Variants in HIPK2 observed in about 807,000 individuals in gnomAD.
HIPK2 encodes homeodomain interacting protein kinase 2, also known as homeodomain-interacting protein kinase 2.
HIPK2 carries 27 observed loss-of-function variants against 113.7 expected under a neutral mutation model. That is an observed-to-expected ratio of 0.24 (90% CI 0.17 to 0.33). The LOEUF is 0.33. Among genes scored for constraint, HIPK2 ranks in the 10% least tolerant of loss-of-function variants. HIPK2 has a pLI of 1.00. For missense variants in HIPK2, 1,257 were observed against 1,588.0 expected (o/e 0.79, Z 3.54); for synonymous variants, 631 against 642.2 (o/e 0.98, Z 0.26).
In HIPK2 at chr7:139,585,307, G is replaced by C. The variant is rs530894230; in HGVS notation, c.2718-1243C>G. Among the ~76,000 whole-genome samples, 73 of 152,304 alleles carry C rather than the reference G, an allele frequency of 4.8e-4. 1 individual carries two copies. The highest frequency in any genetic ancestry group is 3.1e-3 in the South Asian group (15 of 4,824). ...GCAGCAGGGAAGTGGGCAAATTCCAGAGCCCACAGCAGCCAGGCAGGAGGG... is the reference window on the plus strand; with the variant it reads ...GCAGCAGGGAAGTGGGCAAATTCCACAGCCCACAGCAGCCAGGCAGGAGGG... On this transcript the variant is annotated intron_variant, in intron 12 of 14. Coordinates refer to ENST00000406875, the MANE Select transcript of HIPK2 (RefSeq NM_022740.5).
rs2116374051 is a variant in HIPK2, at chr7:139,563,594, CAAT to C, written c.*9330_*9332del. 1 of 382,132 alleles carries C rather than the reference CAAT, an allele frequency of 2.6e-6. No individual in the cohort carries two copies. The highest frequency in any genetic ancestry group is 4.6e-6 in the Non-Finnish European group (1 of 216,722). 23.7% of individuals were successfully genotyped at this position (382,132 alleles called of 1,614,324 possible). A position where few individuals can be genotyped will look rare whatever the true frequency, so the allele number is the denominator to read the frequency against. ...GTTTTAAAAATATAAGCCCCAAAAA[CAAT>C]GACACAAAATTCATTTGGTTAATTC... On this transcript the variant is annotated 3_prime_UTR_variant, in exon 15 of 15. Coordinates refer to ENST00000406875, the MANE Select transcript of HIPK2 (RefSeq NM_022740.5).
chr7:139,613,100 A>C lies in HIPK2; in HGVS notation c.2112+102T>G. 7.3e-7 allele frequency: 1 copy of C among 1,378,650 alleles called. No homozygotes were observed. The highest frequency in any genetic ancestry group is 1.0e-6 in the Non-Finnish European group (1 of 1,004,988). The allele number at this position is 1,378,650 out of a possible 1,614,324, so 85.4% of individuals were successfully genotyped here. On this transcript the variant is annotated intron_variant, in intron 9 of 14. Transcript: ENST00000406875. This position sits in a 1 kb window ranked among gnomAD's most constrained non-coding sequence, Gnocchi z 4.2. ...TACATTCCAATGACTAGAAGCACCT[A>C]ACTCATTACTAGGGAGAGAGGGAGT...
At chr7:139,689,114 C>T (rs1019053190) in intron 2 of HIPK2, among the ~76,000 whole-genome samples, 13 of 152,278 alleles carry the variant, frequency 8.5e-5, no homozygotes, top group South Asian at 8.3e-4. Flanking sequence ...AGCCTGGAGA[C>T]GCCCGATGAG....
rs537649531 is a variant in HIPK2 at position 139,582,443 on chromosome 7, C to T, written c.2965+1374G>A. 1.9e-4 allele frequency among the ~76,000 whole-genome samples: 29 copies of T among 152,346 alleles called. No homozygotes were observed. The South Asian group carries it at 5.8e-3, about 30-fold the overall frequency. On this transcript the variant is annotated intron_variant, in intron 13 of 14. Transcript: ENST00000406875. Reference sequence around the variant, plus strand: ...GCACCACGACCCCCTGCCCCCAGGCCCACAGGAGCGCTGGCTCTGATGTCA... The same window carrying T: ...GCACCACGACCCCCTGCCCCCAGGCTCACAGGAGCGCTGGCTCTGATGTCA...
In HIPK2 at chr7:139,631,053, C is replaced by T. The variant is rs1800595692; in HGVS notation, c.1347+112G>A. On this transcript the variant is annotated intron_variant, in intron 4 of 14. Transcript: ENST00000406875. The surrounding 1 kb of genome is among the most constrained non-coding windows in gnomAD (Gnocchi z 4.9). ...CCATACCATGTATTAACAACAGCAC[C>T]CCCAGTGCCCTCATTTTGCTGACTG... 3 of 1,380,882 alleles carry T rather than the reference C, an allele frequency of 2.2e-6. No individual in the cohort carries two copies. The highest frequency in any genetic ancestry group is 5.0e-5 in the Admixed American group (2 of 40,088). The allele number at this position is 1,380,882 out of a possible 1,614,324, so 85.5% of individuals were successfully genotyped here. A position where few individuals can be genotyped will look rare whatever the true frequency, so the allele number is the denominator to read the frequency against.
intron 1 of HIPK2, among the ~76,000 whole-genome samples, chr7:139,726,983 C>T (rs950915268): frequency 6.6e-6 from 1 of 152,076 alleles, no homozygotes; most frequent in African/African-American, 2.4e-5. Context: ...GCATTAGTAA[C>T]AACAAAGAGG....
Position 139,631,475 on chromosome 7 carries a change from A to C in HIPK2, c.1227+127T>G. 2 of 1,456,958 alleles carry C rather than the reference A, an allele frequency of 1.4e-6. No homozygotes were observed. Among genetic ancestry groups the C allele is most frequent in the Non-Finnish European group, 1.8e-6 (2 of 1,095,152 alleles). 90.3% of individuals were successfully genotyped at this position (1,456,958 alleles called of 1,614,324 possible). ...AAAAATAGCAAGGTTAAGGGAAGCA[A>C]GGTTTGGGAGACAACGTGACATTCC... is the stretch of plus-strand genomic sequence containing the variant. On this transcript the variant is annotated intron_variant, in intron 3 of 14. Transcript: ENST00000406875. This position sits in a 1 kb window ranked among gnomAD's most constrained non-coding sequence, Gnocchi z 4.9.
chr7:139,756,299 TTTC>T (rs1224333743), intron 1 of HIPK2, among the ~76,000 whole-genome samples: 1 of 152,204 alleles, frequency 6.6e-6, no homozygotes, highest in Non-Finnish European at 1.5e-5. Flanking sequence ...AAGAGAAATA[TTTC>T]TTCTTCAATA....
intron 2 of HIPK2, among the ~76,000 whole-genome samples, chr7:139,646,927 G>C (rs1240468939): frequency 6.6e-6 from 1 of 152,004 alleles, no homozygotes; most frequent in Admixed American, 6.6e-5. Flanking sequence ...CTTCCCCTCC[G>C]CACCTCTGTC....
chr7:139,628,873 T>C, intron 5 of HIPK2, 80 bp downstream of exon 5: 5 of 1,230,908 alleles, frequency 4.1e-6, no homozygotes, highest in Non-Finnish European at 5.8e-6. Flanking sequence ...TTCAACCCAT[T>C]ATCTTCTATT....
intron 2 of HIPK2, among the ~76,000 whole-genome samples, chr7:139,708,759 TCAC>T (rs1794981600): frequency 6.6e-6 from 1 of 152,224 alleles, no homozygotes; most frequent in Admixed American, 6.5e-5. Context: ...CTTGTGTCTT[TCAC>T]CACATGGTGG....
chr7:139,624,649 C>T (rs1800362297), intron 6 of HIPK2, among the ~76,000 whole-genome samples: 1 of 152,178 alleles, frequency 6.6e-6, no homozygotes, highest in Non-Finnish European at 1.5e-5. Context: ...ACCAGAACAC[C>T]ACGTTTACTT....
Position 139,579,116 on chromosome 7 carries a change from C to T in HIPK2, c.2966-3828G>A, listed in dbSNP as rs1798584560. Among the ~76,000 whole-genome samples, 4 of 152,192 alleles carry T rather than the reference C, an allele frequency of 2.6e-5. No individual in the cohort carries two copies. In the South Asian group the frequency reaches 8.3e-4, roughly 32 times the overall value. On this transcript the variant is annotated intron_variant, in intron 13 of 14. Coordinates refer to ENST00000406875, the MANE Select transcript of HIPK2 (RefSeq NM_022740.5). ...GGGAAAGAGCTTTGGCCAGGGAATC[C>T]AGTCATTCGCCAAAATGCGGTGCTA...
intron 1 of HIPK2, among the ~76,000 whole-genome samples, chr7:139,759,906 G>A (rs952013207): frequency 6.6e-6 from 1 of 151,892 alleles, no homozygotes. Context: ...TCTCTATATT[G>A]TTTAATTATT....
chr7:139,648,090 C>T (rs779923437), intron 2 of HIPK2, among the ~76,000 whole-genome samples: 9 of 152,190 alleles, frequency 5.9e-5, no homozygotes, highest in Non-Finnish European at 1.0e-4. Flanking sequence ...AACATTAACC[C>T]GCTAAATGGA....
At chr7:139,671,388 A>G (rs1802290732) in intron 2 of HIPK2, among the ~76,000 whole-genome samples, 1 of 152,230 alleles carries the variant, frequency 6.6e-6, no homozygotes, top group South Asian at 2.1e-4. Context: ...AAGAACTTCT[A>G]GCGTGACATT....
At chr7:139,670,750 TC>T (rs1569470234) in intron 2 of HIPK2, among the ~76,000 whole-genome samples, 33,393 of 80,962 alleles carry the variant, frequency 0.41, 8,112 homozygotes, top group Non-Finnish European at 0.49. Flanking sequence ...TTTCTTTCTT[TC>T]TTTCTTTCTT....
intron 2 of HIPK2, among the ~76,000 whole-genome samples, chr7:139,638,991 A>G (rs544173453): frequency 2.7e-4 from 41 of 152,300 alleles, no homozygotes; most frequent in African/African-American, 9.1e-4. Context: ...ATACGTTTGC[A>G]TATCTGCCTC....
At chr7:139,726,387 T>C (rs1795575265) in intron 1 of HIPK2, among the ~76,000 whole-genome samples, 1 of 151,832 alleles carries the variant, frequency 6.6e-6, no homozygotes, top group African/African-American at 2.4e-5. Flanking sequence ...ACAGATGAGA[T>C]GTGAGAGCAA....
Sources: allele counts gnomAD v4.1 joint callset (sites outside exome capture counted in the v4.1 genomes callset), GRCh38; gene constraint gnomAD v4.1.1; non-coding constraint Gnocchi (gnomAD v3.1); transcripts MANE v1.5; gene names NCBI Gene and HGNC (gene_info 2026-07-23, HGNC 2026-07-21).